Variants in CREB5 observed in about 807,000 individuals in gnomAD.
CREB5 encodes the protein cAMP responsive element binding protein 5.
In CREB5, 19 loss-of-function variants were observed where a neutral mutation model predicts 57.1. That is an observed-to-expected ratio of 0.33 (90% confidence interval 0.23 to 0.49). The LOEUF is 0.49. Ranked by LOEUF, CREB5 falls within the 20% of genes least tolerant of loss-of-function variation. The pLI, the probability that CREB5 is intolerant of heterozygous loss-of-function variation, is 0.99. For synonymous variants in CREB5, 238 were observed against 238.3 expected (o/e 1.00, Z 0.01); for missense variants, 579 against 671.6 (o/e 0.86, Z 1.52).
In CREB5 at chr7:28,585,961, G is replaced by A. The variant is rs143190184; in HGVS notation, c.464+15424G>A. Among the ~76,000 whole-genome samples the A allele has an allele frequency of 2.4e-4, 36 of 152,270 alleles. 1 individual carries two copies. The East Asian group carries it at 6.9e-3, about 29-fold the overall frequency. On this transcript the variant is annotated intron_variant, in intron 5 of 10. Transcript: ENST00000357727. ...ATAACAGATAATAAAGGGCCCCTTT[G>A]GCTGCATAACCTCCCTATTTGTTTG...
At chr7:28,588,643 A>G (rs1359743188) in intron 5 of CREB5, among the ~76,000 whole-genome samples, 1 of 152,212 alleles carries the variant, frequency 6.6e-6, no homozygotes, top group East Asian at 1.9e-4. Context: ...TTCTCTGGGG[A>G]TACACAAGCC....
intron 1 of CREB5, among the ~76,000 whole-genome samples, chr7:28,332,041 A>T (rs1007530801): frequency 6.6e-6 from 1 of 152,140 alleles, no homozygotes; most frequent in Non-Finnish European, 1.5e-5. Flanking sequence ...GATTATTTGG[A>T]TAGGCCCTAA....
intron 1 of CREB5, among the ~76,000 whole-genome samples, chr7:28,351,633 A>G (rs1334386056): frequency 6.6e-6 from 1 of 152,152 alleles, no homozygotes; most frequent in Non-Finnish European, 1.5e-5. Flanking sequence ...TCTGTTTCCC[A>G]GACCTCTTGA....
chr7:28,323,398 G>A (rs1344651047), intron 1 of CREB5, among the ~76,000 whole-genome samples: 1 of 152,040 alleles, frequency 6.6e-6, no homozygotes, highest in Non-Finnish European at 1.5e-5. Flanking sequence ...TCCTATCTTG[G>A]GACCCTGCTT....
In CREB5 at chr7:28,686,284, C is replaced by T. The variant is rs895781001; in HGVS notation, c.465-32469C>T. ...CTTCTGTTTTTGAGCCTTCGTCCTC[C>T]TCCTCCTCCTCTTCATTTTCTCCCC... is the stretch of plus-strand genomic sequence containing the variant. On this transcript the variant is annotated intron_variant, in intron 5 of 10. Transcript: ENST00000357727. The T allele has an allele frequency of 1.2e-5, 11 of 900,200 alleles. No individual in the cohort carries two copies. In the East Asian group the frequency reaches 1.7e-4, roughly 14 times the overall value. 55.8% of individuals were successfully genotyped at this position (900,200 alleles called of 1,614,324 possible).
At chr7:28,300,142 C>T (rs1310966782) in intron 1 of CREB5, among the ~76,000 whole-genome samples, 1 of 151,590 alleles carries the variant, frequency 6.6e-6, no homozygotes, top group East Asian at 1.9e-4. Flanking sequence ...GGGAGGGATG[C>T]TCACCTTGTC....
chr7:28,643,001 C>CACACACACACAA, intron 5 of CREB5, among the ~76,000 whole-genome samples: 1 of 139,248 alleles, frequency 7.2e-6, no homozygotes, highest in Non-Finnish European at 1.5e-5. Flanking sequence ...CACACACACA[C>CACACACACACAA]ACACACACAC....
chr7:28,394,798 C>G (rs1234197686), intron 1 of CREB5, among the ~76,000 whole-genome samples: 1 of 152,108 alleles, frequency 6.6e-6, no homozygotes, highest in Non-Finnish European at 1.5e-5. Flanking sequence ...AAAAGTTTGT[C>G]ATGAAGAGAA....
intron 1 of CREB5, among the ~76,000 whole-genome samples, chr7:28,446,300 A>G (rs1337063734): frequency 6.6e-6 from 1 of 151,960 alleles, no homozygotes; most frequent in Non-Finnish European, 1.5e-5. Context: ...TGGTGGGATG[A>G]TGTGGCTTCT....
rs114327290 is a variant in CREB5, at chr7:28,570,402, C to T, written c.329C>T (p.Thr110Met). The T allele has an allele frequency of 1.5e-5, 25 of 1,613,912 alleles. No individual in the cohort carries two copies. The highest frequency in any genetic ancestry group is 4.5e-5 in the East Asian group (2 of 44,900). The change falls in exon 5 of 11, where the codon ACG becomes ATG. Residue 110 changes from threonine (T) to methionine (M), a missense_variant. Thr to Met is a moderately conservative substitution (Grantham distance 81). Transcript: ENST00000357727. ...SMHNAVGGAMTGPGTHQLSSA... is the reference protein window; with the variant it reads ...SMHNAVGGAMMGPGTHQLSSA... ...CATAATGCAGTTGGTGGGGCCATGA[C>T]GGGGCCCGGAACTCACCAGCTTAGC... is the stretch of plus-strand genomic sequence containing the variant.
intron 1 of CREB5, among the ~76,000 whole-genome samples, chr7:28,449,105 A>T (rs915905674): frequency 2.0e-5 from 3 of 152,218 alleles, no homozygotes; most frequent in South Asian, 2.1e-4. Flanking sequence ...TCCATGTAAT[A>T]TGTGTGCATG....
chr7:28,696,898 A>T (rs1225597821), intron 5 of CREB5, among the ~76,000 whole-genome samples: 1 of 151,664 alleles, frequency 6.6e-6, no homozygotes, highest in African/African-American at 2.4e-5. Context: ...ACACATACTC[A>T]CATTACATAC....
intron 1 of CREB5, among the ~76,000 whole-genome samples, chr7:28,303,735 A>T (rs976167401): frequency 2.0e-5 from 3 of 152,232 alleles, no homozygotes; most frequent in African/African-American, 7.2e-5. Flanking sequence ...GATACAATCC[A>T]AAATATACAC....
intron 1 of CREB5, among the ~76,000 whole-genome samples, chr7:28,406,155 A>C (rs1453958846): frequency 6.6e-6 from 1 of 152,192 alleles, no homozygotes; most frequent in Admixed American, 6.5e-5. Context: ...AGAGCTAAAG[A>C]ATTTCTTCCC....
chr7:28,782,808 GA>G (rs1410154208), intron 7 of CREB5, among the ~76,000 whole-genome samples: 4 of 152,222 alleles, frequency 2.6e-5, no homozygotes, highest in Non-Finnish European at 5.9e-5. Flanking sequence ...GGCCAATGGT[GA>G]GGGGAAGAGA....
At chr7:28,722,299 G>A (rs1286651064) in intron 6 of CREB5, among the ~76,000 whole-genome samples, 1 of 152,136 alleles carries the variant, frequency 6.6e-6, no homozygotes, top group Non-Finnish European at 1.5e-5. Context: ...CTGTACTTCT[G>A]AAAGATCCTT....
chr7:28,795,631 G>T (rs1334237637), intron 7 of CREB5, among the ~76,000 whole-genome samples: 1 of 152,190 alleles, frequency 6.6e-6, no homozygotes, highest in Non-Finnish European at 1.5e-5. Context: ...AGTCTCAGAT[G>T]AAGTCAAGAG....
chr7:28,469,654 T>G (rs1295294307), intron 1 of CREB5, among the ~76,000 whole-genome samples: 2 of 152,192 alleles, frequency 1.3e-5, no homozygotes, highest in Non-Finnish European at 2.9e-5. Context: ...AGTTTTAGAT[T>G]CAGATTTCAT....
intron 1 of CREB5, among the ~76,000 whole-genome samples, chr7:28,369,100 A>G (rs1451031117): frequency 6.6e-6 from 1 of 152,208 alleles, no homozygotes; most frequent in Non-Finnish European, 1.5e-5. Context: ...ATCTGTTGTT[A>G]TGTATGTAAA....
Sources: allele counts gnomAD v4.1 joint callset (sites outside exome capture counted in the v4.1 genomes callset), GRCh38; gene constraint gnomAD v4.1.1; transcripts MANE v1.5; gene names NCBI Gene and HGNC (gene_info 2026-07-23, HGNC 2026-07-21).